Variants in CHIC2 observed in about 807,000 individuals in gnomAD.
The protein encoded by CHIC2 is cysteine-rich hydrophobic domain-containing protein 2.
A neutral mutation model predicts 25.9 loss-of-function variants in CHIC2; 14 were observed. The ratio of observed to expected loss-of-function variants is 0.54; its 90% CI spans 0.36 to 0.85. The LOEUF (loss-of-function observed/expected upper bound fraction) is 0.85. Ranked by LOEUF, CHIC2 falls within the 40% of genes least tolerant of loss-of-function variation. The pLI, the probability that CHIC2 is intolerant of heterozygous loss-of-function variation, is 0.01. For synonymous variants in CHIC2, 70 were observed against 72.0 expected, an observed-to-expected ratio of 0.97 and a Z score of 0.14; for missense variants, 146 against 202.0, an observed-to-expected ratio of 0.72 and a Z score of 1.68.
chr4:54,030,179 A>G (rs1716179737), intron 3 of CHIC2, among the ~76,000 whole-genome samples: 3 of 152,222 alleles, frequency 2.0e-5, no homozygotes, highest in South Asian at 2.1e-4. Flanking sequence ...TATCTTTAAA[A>G]AAATTCAGAA....
In CHIC2 at chr4:54,032,937, G is replaced by C. The variant is rs567099769; in HGVS notation, c.330+16018C>G. Among the ~76,000 whole-genome samples the C allele has an allele frequency of 3.3e-5, 5 of 152,246 alleles. No individual in the cohort carries two copies. The East Asian group carries it at 9.7e-4, about 29-fold the overall frequency. On this transcript the variant is annotated intron_variant, in intron 3 of 5. Transcript: ENST00000263921. ...TCGTGGAAGGTGATTGGATCATGGG[G>C]GCAGATAACTTCACAGGTTGGTGCT...
intron 3 of CHIC2, among the ~76,000 whole-genome samples, chr4:54,033,508 A>G (rs1716295258): frequency 6.6e-6 from 1 of 152,170 alleles, no homozygotes; most frequent in South Asian, 2.1e-4. Flanking sequence ...TAGTTTTCAA[A>G]AACGGAAATT....
At chr4:54,065,281 A>G (rs759605342), upstream of CHIC2, 5 of 980,306 alleles carry the variant, frequency 5.1e-6, no homozygotes, top group South Asian at 2.4e-4. Flanking sequence ...TAGTCATGCT[A>G]TGAAAAAAAA....
chr4:54,073,202 A>G, the CHIC2 span, among the ~76,000 whole-genome samples: 1 of 152,194 alleles, frequency 6.6e-6, no homozygotes. Context: ...TCTCACTCCC[A>G]TCAGCCTTGG....
At chr4:54,036,171 T>C (rs1205251493) in intron 3 of CHIC2, among the ~76,000 whole-genome samples, 1 of 152,224 alleles carries the variant, frequency 6.6e-6, no homozygotes, top group East Asian at 1.9e-4. Flanking sequence ...ATTTGCCTAT[T>C]GTTGGTTAGA....
At chr4:54,014,781 T>C (rs996881632) in intron 3 of CHIC2, among the ~76,000 whole-genome samples, 2 of 152,142 alleles carry the variant, frequency 1.3e-5, no homozygotes, top group African/African-American at 4.8e-5. Flanking sequence ...TTGCAAGATA[T>C]GCTATGCTGC....
At chr4:54,031,262 T>C (rs1256572386) in intron 3 of CHIC2, among the ~76,000 whole-genome samples, 2 of 151,974 alleles carry the variant, frequency 1.3e-5, no homozygotes, top group Non-Finnish European at 2.9e-5. Flanking sequence ...TACTATCCTT[T>C]ATACTGTATC....
Position 54,043,160 on chromosome 4 carries a change from G to A in CHIC2, c.330+5795C>T, listed in dbSNP as rs538677452. Among the ~76,000 whole-genome samples, 32 of 152,190 alleles carry A rather than the reference G, an allele frequency of 2.1e-4. No individual in the cohort carries two copies. In the East Asian group the frequency reaches 3.7e-3, roughly 18 times the overall value. ...GTCTCGGCCAGGCGCGGTGGCTCAC[G>A]CCTGTAATCCCAGCACTTTGGGAGG... On this transcript the variant is annotated intron_variant, in intron 3 of 5. Coordinates refer to ENST00000263921, the MANE Select transcript of CHIC2 (RefSeq NM_012110.4).
At chr4:54,055,385 T>C (rs1266218718) in intron 1 of CHIC2, among the ~76,000 whole-genome samples, 1 of 151,442 alleles carries the variant, frequency 6.6e-6, no homozygotes, top group Non-Finnish European at 1.5e-5. Context: ...CAAGACAGAA[T>C]GGATGTAGTG....
the CHIC2 span, among the ~76,000 whole-genome samples, chr4:54,088,710 A>G: frequency 7.2e-5 from 11 of 152,332 alleles, no homozygotes; most frequent in East Asian, 9.7e-4. Context: ...TGCTCTGTTG[A>G]GAACAGATTG....
Position 54,030,666 on chromosome 4 carries a change from A to ATT in CHIC2, c.331-16549_331-16548dup, listed in dbSNP as rs201197122. Among the ~76,000 whole-genome samples, 98 of 134,662 alleles carry ATT rather than the reference A, an allele frequency of 7.3e-4. 1 individual carries two copies. The highest frequency in any genetic ancestry group is 2.3e-3 in the African/African-American group (80 of 35,142). 88.3% of individuals were successfully genotyped at this position (134,662 alleles called of 152,430 possible). The stretch of plus-strand genomic sequence containing the variant: ...TATGTTTATATTTACTAAAATGCTA[A>ATT]TTTTTTTTTTTTTTTTTTGAGATGA... On this transcript the variant is annotated intron_variant, in intron 3 of 5. Transcript: ENST00000263921.
upstream of CHIC2, among the ~76,000 whole-genome samples, chr4:54,066,290 C>T (rs971560135): frequency 3.9e-5 from 6 of 152,146 alleles, no homozygotes; most frequent in Non-Finnish European, 7.3e-5. Context: ...GGCTTAAGAT[C>T]GGTGAAGTGC....
At chr4:54,029,141 C>T (rs1056401908) in intron 3 of CHIC2, among the ~76,000 whole-genome samples, 2 of 146,194 alleles carry the variant, frequency 1.4e-5, no homozygotes, top group Admixed American at 6.8e-5. Context: ...AAAAAAAAAA[C>T]AAAAGTCAAA....
At chr4:54,088,168 C>T in the CHIC2 span, among the ~76,000 whole-genome samples, 1 of 152,060 alleles carries the variant, frequency 6.6e-6, no homozygotes, top group Non-Finnish European at 1.5e-5. Context: ...TATATATACC[C>T]AAAAACCCAT....
intron 3 of CHIC2, among the ~76,000 whole-genome samples, chr4:54,034,574 T>C (rs768540675): frequency 1.3e-5 from 2 of 152,158 alleles, no homozygotes; most frequent in African/African-American, 2.4e-5. Flanking sequence ...TACTTAAAAA[T>C]TGTTTTTCAT....
chr4:54,025,298 C>G (rs1322732910), intron 3 of CHIC2, among the ~76,000 whole-genome samples: 2 of 152,106 alleles, frequency 1.3e-5, no homozygotes, highest in African/African-American at 2.4e-5. Context: ...TAATCTCCCC[C>G]ACCCTTAAGA....
chr4:54,021,594 TTTCCTCTTAAAAAGGTGACTGGA>T (rs1244796686), intron 3 of CHIC2, among the ~76,000 whole-genome samples: 1 of 152,046 alleles, frequency 6.6e-6, no homozygotes, highest in Non-Finnish European at 1.5e-5. Context: ...TGCCCAACAA[TTTCCTCTTAAAAAGGTGACTGGA>T]GCTGAAGGCA....
In CHIC2 at chr4:54,030,694, T is replaced by A. The variant is rs1274754651; in HGVS notation, c.331-16575A>T. Among the ~76,000 whole-genome samples, 22 of 145,118 alleles carry A rather than the reference T, an allele frequency of 1.5e-4. No individual in the cohort carries two copies. In the Admixed American group the frequency reaches 1.5e-3, roughly 10 times the overall value. Reference sequence around the variant, plus strand: ...TTTTTTTTTTTTTTTTGAGATGAGGTTTTGCTCTTGTTGCCCAGGCTGGAG... The same window carrying A: ...TTTTTTTTTTTTTTTTGAGATGAGGATTTGCTCTTGTTGCCCAGGCTGGAG... On this transcript the variant is annotated intron_variant, in intron 3 of 5. Coordinates refer to ENST00000263921, the MANE Select transcript of CHIC2 (RefSeq NM_012110.4).
chr4:54,065,316 T>G (rs1717489392), upstream of CHIC2: 1 of 984,954 alleles, frequency 1.0e-6, no homozygotes, highest in African/African-American at 1.7e-5. Context: ...GGATTCCATA[T>G]TAGAAGATGC....
Sources: gnomAD v4.1 joint callset for allele counts (sites outside exome capture counted in the v4.1 genomes callset) on GRCh38, gnomAD v4.1.1 for gene constraint, MANE v1.5 for transcripts, NCBI Gene and HGNC (gene_info 2026-07-23, HGNC 2026-07-21) for gene names.